The following LAMA3 variants were observed in gnomAD, a reference collection of about 807,000 sequenced individuals.
LAMA3 encodes laminin subunit alpha 3.
In LAMA3, 281 loss-of-function variants were observed where a neutral mutation model predicts 402.0. The ratio of observed to expected loss-of-function variants is 0.70; its 90% CI spans 0.63 to 0.77. LAMA3 has a LOEUF of 0.77. Ranked by LOEUF, LAMA3 falls within the 30% of genes least tolerant of loss-of-function variation. LAMA3 has a pLI of 0.00. For synonymous variants in LAMA3, 1,431 were observed against 1,558.4 expected (o/e 0.92, Z 1.93); for missense variants, 3,840 against 4,215.5 (o/e 0.91, Z 2.47).
At chr18:23,890,349 CT>C (rs948354456) in intron 42 of LAMA3, among the ~76,000 whole-genome samples, 8 of 150,242 alleles carry the variant, frequency 5.3e-5, no homozygotes, top group South Asian at 2.1e-4. Flanking sequence ...TTTCAATGCA[CT>C]TTTTTTTTTT....
At chr18:23,754,990 G>A (rs1362082355) in intron 6 of LAMA3, among the ~76,000 whole-genome samples, 2 of 152,234 alleles carry the variant, frequency 1.3e-5, no homozygotes, top group African/African-American at 4.8e-5. Context: ...AACCCTTAAT[G>A]TTGTTGTTCC....
At chr18:23,774,049 CCT>C (rs1322815652) in intron 9 of LAMA3, among the ~76,000 whole-genome samples, 1 of 152,036 alleles carries the variant, frequency 6.6e-6, no homozygotes, top group African/African-American at 2.4e-5. Flanking sequence ...GGTGAAAAAC[CCT>C]GTCTCTACTA....
At chr18:23,892,033 G>T (rs2080687704) in intron 42 of LAMA3, among the ~76,000 whole-genome samples, 1 of 152,214 alleles carries the variant, frequency 6.6e-6, no homozygotes. Flanking sequence ...TGTGGGAAAG[G>T]GTTGGTATTG....
At position 23,847,584 on chromosome 18, in the gene LAMA3, C is replaced by T. The variant is rs1412265314; in HGVS notation, c.4052C>T (p.Ala1351Val). 6.2e-7 allele frequency: 1 copy of T among 1,614,124 alleles called. No individual in the cohort carries two copies. The highest frequency in any genetic ancestry group is 1.1e-5 in the South Asian group (1 of 91,084). ...ETHSFSFHPMAGCEGCNCSRR... is the reference protein window; with the variant it reads ...ETHSFSFHPMVGCEGCNCSRR... ...CACTCATTCAGCTTCCACCCCATGGCCGGCTGCGAAGGCTGCAACTGTTCC... is the reference window on the plus strand; with the variant it reads ...CACTCATTCAGCTTCCACCCCATGGTCGGCTGCGAAGGCTGCAACTGTTCC... The change falls in exon 32 of 75, where the codon GCC (alanine) becomes GTC (valine). Residue 1351 changes from alanine to valine, a missense_variant. Ala to Val is a moderately conservative substitution (Grantham distance 64). Coordinates refer to ENST00000313654, the MANE Select transcript of LAMA3 (RefSeq NM_198129.4).
At chr18:23,701,211 C>G (rs1385788191) in intron 1 of LAMA3, among the ~76,000 whole-genome samples, 1 of 152,162 alleles carries the variant, frequency 6.6e-6, no homozygotes, top group African/African-American at 2.4e-5. Context: ...CCTTTTTCCT[C>G]TCTGATTTGG....
At chr18:23,909,053 A>G in intron 54 of LAMA3, 100 bp from the exon 55 acceptor site, 1 of 1,142,954 alleles carries the variant, frequency 8.7e-7, no homozygotes, top group Non-Finnish European at 1.3e-6. Context: ...ACATCTGGGG[A>G]CCAAACATGC....
chr18:23,898,959 A>C lies in LAMA3; in HGVS notation c.5730A>C (p.Gln1910His), dbSNP rs1273513606. The C allele has an allele frequency of 1.2e-6, 2 of 1,613,262 alleles. No individual in the cohort carries two copies. The highest frequency in any genetic ancestry group is 1.3e-5 in the African/African-American group (1 of 75,040). Reference sequence around the variant, plus strand: ...TCAATTTATTTTTCATATAGGCTCAAGTAAATTCCAGAAAAGCACAAACAT... The same window carrying C: ...TCAATTTATTTTTCATATAGGCTCACGTAAATTCCAGAAAAGCACAAACAT... ...QEFETLQEKA[Q>H]VNSRKAQTLN... The change falls in exon 46 of 75, where the codon CAA becomes CAC. Residue 1910 changes from glutamine (Q) to histidine (H), a missense_variant. Physicochemically the swap from Gln to His is conservative, Grantham distance 24. Transcript: ENST00000313654.
chr18:23,915,756 A>G (rs1244945259), intron 59 of LAMA3, among the ~76,000 whole-genome samples: 1 of 152,120 alleles, frequency 6.6e-6, no homozygotes, highest in Non-Finnish European at 1.5e-5. Context: ...CTGTAATCCC[A>G]GCACTTTGGG....
intron 32 of LAMA3, among the ~76,000 whole-genome samples, chr18:23,854,109 G>C (rs994932650): frequency 4.6e-5 from 7 of 152,196 alleles, no homozygotes; most frequent in African/African-American, 1.4e-4. Flanking sequence ...TTTCCCATCT[G>C]CTTTAGTGCT....
intron 2 of LAMA3, among the ~76,000 whole-genome samples, chr18:23,719,040 C>G (rs983953650): frequency 6.6e-6 from 1 of 152,200 alleles, no homozygotes; most frequent in African/African-American, 2.4e-5. Flanking sequence ...TTGGGTTGCT[C>G]TGGTGGCAGC....
At chr18:23,781,339 A>G (rs2062433398) in intron 11 of LAMA3, 1 of 455,368 alleles carries the variant, frequency 2.2e-6, no homozygotes, top group Non-Finnish European at 4.4e-6. Context: ...TTCCCTTGTC[A>G]TGAATGTGTC....
rs75804188 is a variant in LAMA3 at position 23,781,060 on chromosome 18, A to G, written c.1469-2963A>G. Among the ~76,000 whole-genome samples, 564 of 152,362 alleles carry G rather than the reference A, an allele frequency of 3.7e-3. 3 individuals carry two copies. Among genetic ancestry groups the G allele is most frequent in the African/African-American group, 0.013 (535 of 41,586 alleles). Reference sequence around the variant, plus strand: ...CGGACTCAAGGGATTTTCTTGAGATATAATCACTGTGACTTCGTAATGAGG... The same window carrying G: ...CGGACTCAAGGGATTTTCTTGAGATGTAATCACTGTGACTTCGTAATGAGG... On this transcript the variant is annotated intron_variant, in intron 11 of 74. Coordinates refer to ENST00000313654, the MANE Select transcript of LAMA3 (RefSeq NM_198129.4).
intron 38 of LAMA3, 88 bp downstream of exon 38, chr18:23,871,749 GC>G: frequency 9.9e-7 from 1 of 1,005,264 alleles, no homozygotes; most frequent in Non-Finnish European, 1.5e-6. Flanking sequence ...ATGGTTTGGG[GC>G]CCTCTGTCTA....
At position 23,916,839 on chromosome 18, in the gene LAMA3, G is replaced by A. The variant is rs189634301; in HGVS notation, c.7923+144G>A. 241 of 837,642 alleles carry A rather than the reference G, an allele frequency of 2.9e-4. 1 individual carries two copies. The East Asian group carries it at 6.2e-3, about 21-fold the overall frequency. The allele number at this position is 837,642 out of a possible 1,614,324, so 51.9% of individuals were successfully genotyped here. ...CTGCATCCTTTTCCTCCACCCAGTT[G>A]TACTTTCTGTTGGCTGGGAAATGTA... On this transcript the variant is annotated intron_variant, in intron 60 of 74. Transcript: ENST00000313654.
rs779213436 is a variant in LAMA3 at position 23,748,092 on chromosome 18, G to A, written c.565+32G>A. 10 of 1,159,598 alleles carry A rather than the reference G, an allele frequency of 8.6e-6. No homozygotes were observed. In the East Asian group the frequency reaches 2.3e-4, roughly 27 times the overall value. The allele number at this position is 1,159,598 out of a possible 1,614,324, so 71.8% of individuals were successfully genotyped here. A position where few individuals can be genotyped will look rare whatever the true frequency, so the allele number is the denominator to read the frequency against. On this transcript the variant is annotated intron_variant, in intron 3 of 74. Transcript: ENST00000313654. The stretch of plus-strand genomic sequence containing the variant: ...AATCTTGCCTACCATGTTATGCATG[G>A]CTTTAATTACTTGGAACAGATAAAG...
At chr18:23,835,737 G>A (rs182304066) in intron 24 of LAMA3, among the ~76,000 whole-genome samples, 77 of 152,192 alleles carry the variant, frequency 5.1e-4, no homozygotes, top group Middle Eastern at 3.4e-3. Context: ...AAAATATGGC[G>A]CAACTGGAAA....
At chr18:23,830,777 G>A (rs1020917504) in intron 23 of LAMA3, among the ~76,000 whole-genome samples, 1 of 151,882 alleles carries the variant, frequency 6.6e-6, no homozygotes, top group South Asian at 2.1e-4. Context: ...GTTCTGTCTC[G>A]AGGAGTCTGA....
At position 23,943,961 on chromosome 18, in the gene LAMA3, A is replaced by T. The variant is rs757407675; in HGVS notation, c.9200A>T (p.Lys3067Ile). 3.4e-5 allele frequency: 55 copies of T among 1,614,068 alleles called. No individual in the cohort carries two copies. Among genetic ancestry groups the T allele is most frequent in the Non-Finnish European group, 4.6e-5 (54 of 1,179,926 alleles). ...IKSKEKCNDG[K>I]WHTVVFGHDG... ...AGCAAGGAGAAATGCAATGATGGGA[A>T]ATGGCACACGGTAAGAGCTGGGGCT... The change falls in exon 69 of 75, where the codon AAA becomes ATA. Residue 3067 changes from lysine (K) to isoleucine (I), a missense_variant. This residue lies in a region of LAMA3 where 840 missense variants were observed against 981.9 expected (regional missense o/e 0.86). Transcript: ENST00000313654.
intron 2 of LAMA3, among the ~76,000 whole-genome samples, chr18:23,719,702 C>A (rs1377526241): frequency 6.8e-6 from 1 of 146,172 alleles, no homozygotes; most frequent in Non-Finnish European, 1.5e-5. Context: ...TTCCCTTCAA[C>A]TTTTATGAGA....
Sources: gnomAD v4.1 joint callset for allele counts (sites outside exome capture counted in the v4.1 genomes callset) on GRCh38, gnomAD v4.1.1 for gene constraint, gnomAD v4.1.1 regional missense constraint, MANE v1.5 for transcripts, NCBI Gene and HGNC (gene_info 2026-07-23, HGNC 2026-07-21) for gene names.